The following RELN variants were observed in gnomAD, a reference collection of about 807,000 sequenced individuals.
The protein encoded by RELN is reelin.
RELN carries 108 observed loss-of-function variants against 427.6 expected under a neutral mutation model. The observed-to-expected ratio is 0.25, with a 90% confidence interval of 0.22 to 0.30. RELN has a LOEUF of 0.30. RELN is among the 10% of genes least tolerant of loss of function. The probability of loss-of-function intolerance (pLI) is 1.00; values close to 1 mark genes in which losing one functional copy is unlikely to be tolerated. For missense variants in RELN, 3,715 were observed against 4,302.8 expected (o/e 0.86, Z 3.82); for synonymous variants, 1,524 against 1,513.4 (o/e 1.01, Z -0.16).
At chr7:103,693,770 T>C (rs1833921154) in intron 10 of RELN, among the ~76,000 whole-genome samples, 1 of 152,128 alleles carries the variant, frequency 6.6e-6, no homozygotes, top group African/African-American at 2.4e-5. Context: ...GGCATCCCTT[T>C]GGATGATCCT....
chr7:103,635,438 A>G lies in RELN; in HGVS notation c.2452T>C (p.Tyr818His), dbSNP rs1176414659. ...KLLEHYSYLS[Y>H]HEPRIISVEL... ...TTTCCAACATACCTGGGCTCATGATAGCTGAGATATGAATAATGCTCCAGG... is the reference window on the plus strand; with the variant it reads ...TTTCCAACATACCTGGGCTCATGATGGCTGAGATATGAATAATGCTCCAGG... The change falls in exon 19 of 65, where the codon TAT (tyrosine) becomes CAT (histidine). Residue 818 changes from tyrosine (Y) to histidine (H), a missense_variant. Physicochemically the swap from Tyr to His is moderately conservative, Grantham distance 83 (BLOSUM62 2). Coordinates refer to ENST00000428762, the MANE Select transcript of RELN (RefSeq NM_005045.4). The G allele has an allele frequency of 3.1e-6, 5 of 1,613,954 alleles. No individual in the cohort carries two copies. Among genetic ancestry groups the G allele is most frequent in the Non-Finnish European group, 4.2e-6 (5 of 1,179,906 alleles).
At chr7:103,743,482 C>A (rs376536403) in intron 6 of RELN, among the ~76,000 whole-genome samples, 3 of 152,038 alleles carry the variant, frequency 2.0e-5, no homozygotes, top group Non-Finnish European at 1.5e-5. Context: ...TGGATAAAGA[C>A]TCAAGACCCA....
At chr7:103,663,776 T>C (rs1233825013) in intron 11 of RELN, among the ~76,000 whole-genome samples, 1 of 152,208 alleles carries the variant, frequency 6.6e-6, no homozygotes, top group African/African-American at 2.4e-5. Flanking sequence ...AATGACCACC[T>C]GGTCTTTAGC....
At chr7:103,777,244 C>T (rs558022508) in intron 3 of RELN, among the ~76,000 whole-genome samples, 1 of 152,168 alleles carries the variant, frequency 6.6e-6, no homozygotes, top group Non-Finnish European at 1.5e-5. Context: ...AACATCCTTG[C>T]AGCAGATGTG....
In RELN at chr7:103,697,990, C is replaced by A; in HGVS notation, c.1006G>T (p.Gly336Cys). 1 of 1,613,814 alleles carries A rather than the reference C, an allele frequency of 6.2e-7. No individual in the cohort carries two copies. Among genetic ancestry groups the A allele is most frequent in the Non-Finnish European group, 8.5e-7 (1 of 1,179,820 alleles). ...GCCCAGCAGGCTTCATACACTTCAC[C>A]TACACGAAGATTTTCCTGCTTCCAC... ...FQWKQENLRV[G>C]EVYEACWALD... The change falls in exon 10 of 65, where the codon GGT becomes TGT. Residue 336 changes from glycine (G) to cysteine (C), a missense_variant. Gly to Cys is a radical substitution (Grantham distance 159). Transcript: ENST00000428762.
Position 103,603,327 on chromosome 7 carries a change from C to T in RELN, c.3310G>A (p.Gly1104Arg). Residue 1104 changes from glycine to arginine, a missense_variant, in exon 24 of 65, where the codon GGA becomes AGA. Gly to Arg is a moderately radical substitution (Grantham distance 125). Around this residue, in one of 4 missense-constraint regions of RELN, gnomAD observed 2,208 missense variants for 2,361.7 expected, o/e 0.93. Transcript: ENST00000428762. The surrounding 1 kb of genome is among the most constrained non-coding windows in gnomAD (Gnocchi z 4.3). ...ACCTTGCTGAAGTACAGAGATGATC[C>T]AGAAGAGATGACACCACACCCTTGT... ...PEQGCGVISS[G>R]SSLYFSKAGK... The T allele has an allele frequency of 6.2e-7, 1 of 1,613,854 alleles. No homozygotes were observed. The highest frequency in any genetic ancestry group is 1.3e-5 in the African/African-American group (1 of 75,016).
chr7:103,578,650 T>G (rs1330418613), intron 28 of RELN, among the ~76,000 whole-genome samples: 1 of 152,222 alleles, frequency 6.6e-6, no homozygotes, highest in Non-Finnish European at 1.5e-5. Flanking sequence ...ACAATTGATT[T>G]AGCAACCTCA....
At chr7:103,669,431 G>C (rs1833342566) in intron 11 of RELN, among the ~76,000 whole-genome samples, 1 of 152,160 alleles carries the variant, frequency 6.6e-6, no homozygotes, top group Non-Finnish European at 1.5e-5. Context: ...AACATGGTTG[G>C]AGGCCAAGTA....
rs1224400878 is a variant in RELN at position 103,558,003 on chromosome 7, G to C, written c.5576C>G (p.Thr1859Arg). The stretch of plus-strand genomic sequence containing the variant: ...TCTAAGTGAAAACTGGACATACATT[G>C]TATTTGTACAATCTAGATCTCTTGA... ...LISRDLDCTN[T>R]MYVQFSLRFI... The change falls in exon 37 of 65, where the codon ACA (threonine) becomes AGA (arginine). Residue 1859 changes from threonine (T) to arginine (R), a missense_variant. Physicochemically the swap from Thr to Arg is moderately conservative, Grantham distance 71. Around this residue, in one of 4 missense-constraint regions of RELN, gnomAD observed 2,208 missense variants for 2,361.7 expected, o/e 0.93. Coordinates refer to ENST00000428762, the MANE Select transcript of RELN (RefSeq NM_005045.4). 4 of 1,498,358 alleles carry C rather than the reference G, an allele frequency of 2.7e-6. No homozygotes were observed. The East Asian group carries it at 9.0e-5, about 34-fold the overall frequency. The allele number at this position is 1,498,358 out of a possible 1,614,324, so 92.8% of individuals were successfully genotyped here. A position where few individuals can be genotyped will look rare whatever the true frequency, so the allele number is the denominator to read the frequency against.
chr7:103,692,146 G>A (rs1833885146), intron 10 of RELN, among the ~76,000 whole-genome samples: 1 of 152,126 alleles, frequency 6.6e-6, no homozygotes, highest in African/African-American at 2.4e-5. Context: ...AGACCCTCTT[G>A]ATATTTTTCC....
chr7:103,700,654 C>T (rs910737348), intron 9 of RELN, among the ~76,000 whole-genome samples: 1 of 152,058 alleles, frequency 6.6e-6, no homozygotes, highest in Non-Finnish European at 1.5e-5. Flanking sequence ...GCTATGATTG[C>T]AAATTTACTT....
chr7:103,833,452 CTTAA>C, intron 3 of RELN, 81 bp downstream of exon 3: 1 of 1,255,600 alleles, frequency 8.0e-7, no homozygotes, highest in South Asian at 1.2e-5. Context: ...AAATAAAACA[CTTAA>C]ATAGTTACTC....
chr7:103,631,789 A>G (rs1485394482), intron 19 of RELN, among the ~76,000 whole-genome samples: 1 of 152,102 alleles, frequency 6.6e-6, no homozygotes, highest in Non-Finnish European at 1.5e-5. Context: ...TTATAAAACT[A>G]CATAATATAT....
intron 7 of RELN, among the ~76,000 whole-genome samples, chr7:103,726,212 C>G (rs1178214298): frequency 6.6e-6 from 1 of 152,100 alleles, no homozygotes; most frequent in Non-Finnish European, 1.5e-5. Context: ...ATAAACACAA[C>G]TTGGGTACAA....
chr7:103,617,394 T>C (rs1355715554), intron 20 of RELN, among the ~76,000 whole-genome samples: 1 of 152,120 alleles, frequency 6.6e-6, no homozygotes, highest in Non-Finnish European at 1.5e-5. Context: ...ATGTGACTGT[T>C]ATAGTCCCTG....
rs371294542 is a variant in RELN, at chr7:103,843,209, T to A, written c.338-9537A>T. Among the ~76,000 whole-genome samples the A allele has an allele frequency of 1.7e-3, 254 of 146,044 alleles. 1 individual carries two copies. Among genetic ancestry groups the A allele is most frequent in the African/African-American group, 6.1e-3 (246 of 40,200 alleles). ...GATAAAGGAACCAAGACTCAGGAAA[T>A]TTTTTTTTTTTAGGAGACAGGGTCT... On this transcript the variant is annotated intron_variant, in intron 2 of 64. Transcript: ENST00000428762.
In RELN at chr7:103,725,349, T is replaced by C. The variant is rs1182022386; in HGVS notation, c.754-2158A>G. On this transcript the variant is annotated intron_variant, in intron 7 of 64. Coordinates refer to ENST00000428762, the MANE Select transcript of RELN (RefSeq NM_005045.4). ...AGTAGGACTGCTTGAGCCCAGGAGT[T>C]CAAGACCAGCCTAGGCAACATAGGG... Among the ~76,000 whole-genome samples, 28 of 152,110 alleles carry C rather than the reference T, an allele frequency of 1.8e-4. 1 individual carries two copies. Among genetic ancestry groups the C allele is most frequent in the Admixed American group, 1.8e-3 (28 of 15,272 alleles).
At chr7:103,776,695 C>T in intron 3 of RELN, 68 bp from the exon 4 acceptor site, 1 of 1,491,912 alleles carries the variant, frequency 6.7e-7, no homozygotes, top group South Asian at 1.1e-5. Flanking sequence ...ATGTTTAAAA[C>T]TTTTTAAAAA....
intron 1 of RELN, among the ~76,000 whole-genome samples, chr7:103,942,076 A>G (rs1584387968): frequency 6.6e-6 from 1 of 152,188 alleles, no homozygotes; most frequent in East Asian, 1.9e-4. Flanking sequence ...CAAAAACTAA[A>G]TTTGTGCCTA....
Sources: gnomAD v4.1 joint callset for allele counts (sites outside exome capture counted in the v4.1 genomes callset) on GRCh38, gnomAD v4.1.1 for gene constraint, gnomAD v4.1.1 regional missense constraint, Gnocchi (gnomAD v3.1) non-coding constraint, MANE v1.5 for transcripts, NCBI Gene and HGNC (gene_info 2026-07-23, HGNC 2026-07-21) for gene names.